Variants in TBC1D22A observed in about 807,000 individuals in gnomAD.
TBC1D22A encodes the protein putative GTPase activator.
TBC1D22A carries 38 observed loss-of-function variants against 60.2 expected under a neutral mutation model. The ratio of observed to expected loss-of-function variants is 0.63; its 90% confidence interval spans 0.49 to 0.83. TBC1D22A has a LOEUF of 0.83. TBC1D22A is among the 40% of genes least tolerant of loss of function. The pLI, the probability that TBC1D22A is intolerant of heterozygous loss-of-function variation, is 0.00. For missense variants in TBC1D22A, 628 were observed against 701.0 expected, an observed-to-expected ratio of 0.90 and a Z score of 1.18; for synonymous variants, 302 against 281.7, an observed-to-expected ratio of 1.07 and a Z score of -0.72.
intron 4 of TBC1D22A, among the ~76,000 whole-genome samples, chr22:46,876,503 G>A (rs967960667): frequency 2.6e-5 from 4 of 152,080 alleles, no homozygotes; most frequent in African/African-American, 9.7e-5. Context: ...CCATTCTCTC[G>A]GGTCTGCCTC....
chr22:46,961,720 C>T (rs2073513798), intron 8 of TBC1D22A, among the ~76,000 whole-genome samples: 2 of 152,286 alleles, frequency 1.3e-5, no homozygotes, highest in South Asian at 2.1e-4. Context: ...TTTCTTCACT[C>T]CAGGACGGGG....
At position 46,894,825 on chromosome 22, in the gene TBC1D22A, C is replaced by T. The variant is rs993120148; in HGVS notation, c.879C>T (p.Ile293=). The change falls in exon 7 of 13, where the codon ATC becomes ATT. Residue 293 remains isoleucine, a synonymous_variant. Transcript: ENST00000337137. ...DIPRMSPEAL[I]LQPKVTEIFE... Reference sequence around the variant, plus strand: ...CTCGCATGAGCCCTGAAGCGTTGATCCTGCAGCCCAAGGTGACGGAGGTAA... The same window carrying T: ...CTCGCATGAGCCCTGAAGCGTTGATTCTGCAGCCCAAGGTGACGGAGGTAA... 1 of 1,614,248 alleles carries T rather than the reference C, an allele frequency of 6.2e-7. No individual in the cohort carries two copies. The highest frequency in any genetic ancestry group is 1.3e-5 in the African/African-American group (1 of 75,064).
At chr22:46,769,678 C>T (rs1569354147) in intron 1 of TBC1D22A, among the ~76,000 whole-genome samples, 2 of 152,058 alleles carry the variant, frequency 1.3e-5, no homozygotes, top group Non-Finnish European at 2.9e-5. Flanking sequence ...GGAGCTGCTT[C>T]CAAGGCCATG....
chr22:47,097,098 G>T (rs1224128651), intron 11 of TBC1D22A, among the ~76,000 whole-genome samples: 1 of 152,106 alleles, frequency 6.6e-6, no homozygotes, highest in Non-Finnish European at 1.5e-5. Context: ...GTATGGGCGT[G>T]GCCCCGTGTC....
intron 7 of TBC1D22A, among the ~76,000 whole-genome samples, chr22:46,902,791 A>T (rs1429832055): frequency 6.7e-6 from 1 of 150,344 alleles, no homozygotes; most frequent in Non-Finnish European, 1.5e-5. Context: ...GCAGACAGAC[A>T]CCCGGTGGGC....
At chr22:47,165,009 C>A (rs1033293944) in intron 12 of TBC1D22A, among the ~76,000 whole-genome samples, 1 of 152,146 alleles carries the variant, frequency 6.6e-6, no homozygotes, top group African/African-American at 2.4e-5. Flanking sequence ...AGTGAGGGGC[C>A]AGTGAGACCG....
intron 12 of TBC1D22A, among the ~76,000 whole-genome samples, chr22:47,165,687 C>A (rs916682782): frequency 2.6e-5 from 4 of 152,142 alleles, no homozygotes; most frequent in African/African-American, 9.7e-5. Flanking sequence ...TCAGGTTCCT[C>A]ACCTAAAAGA....
chr22:46,973,511 C>T (rs2074163083), intron 8 of TBC1D22A, among the ~76,000 whole-genome samples: 1 of 152,180 alleles, frequency 6.6e-6, no homozygotes, highest in African/African-American at 2.4e-5. Context: ...TGAAATGTTT[C>T]TTTTCTTAAA....
At chr22:46,886,365 C>A (rs1450428518) in intron 5 of TBC1D22A, among the ~76,000 whole-genome samples, 2 of 152,148 alleles carry the variant, frequency 1.3e-5, no homozygotes, top group Admixed American at 1.3e-4. Context: ...CTGTTCTGTG[C>A]CCCTCTCCAG....
intron 11 of TBC1D22A, among the ~76,000 whole-genome samples, chr22:47,043,334 G>C (rs2062912058): frequency 6.6e-6 from 1 of 152,168 alleles, no homozygotes; most frequent in Non-Finnish European, 1.5e-5. Context: ...GGGAGCAGCA[G>C]GTGGGCCGGG....
intron 12 of TBC1D22A, among the ~76,000 whole-genome samples, chr22:47,147,362 A>G (rs115411927): frequency 0.012 from 1,807 of 152,280 alleles, 45 homozygotes; most frequent in African/African-American, 0.042. Context: ...TTACCTTTTA[A>G]TAACAGATGT....
At chr22:46,992,535 C>T (rs1012046884) in intron 9 of TBC1D22A, among the ~76,000 whole-genome samples, 4 of 152,230 alleles carry the variant, frequency 2.6e-5, no homozygotes, top group Admixed American at 1.3e-4. Context: ...AGGCACCGGC[C>T]GGGGACCGGC....
intron 12 of TBC1D22A, among the ~76,000 whole-genome samples, chr22:47,130,567 G>A (rs913171240): frequency 6.6e-6 from 1 of 152,206 alleles, no homozygotes; most frequent in African/African-American, 2.4e-5. Context: ...ACAGTGTCCA[G>A]CATTGCTTCT....
chr22:46,974,476 T>C, intron 9 of TBC1D22A, 77 bp downstream of exon 9: 1 of 1,227,044 alleles, frequency 8.1e-7, no homozygotes, highest in Non-Finnish European at 1.2e-6. Flanking sequence ...CTTAGGCTGC[T>C]CCTGAGTCTC....
chr22:47,129,171 T>C (rs1002826891), intron 12 of TBC1D22A, among the ~76,000 whole-genome samples: 3 of 152,174 alleles, frequency 2.0e-5, no homozygotes, highest in Non-Finnish European at 4.4e-5. Context: ...TCAGTGTGAA[T>C]AGTAATAAAA....
chr22:46,929,791 G>T (rs1229756278), intron 8 of TBC1D22A, among the ~76,000 whole-genome samples: 1 of 152,180 alleles, frequency 6.6e-6, no homozygotes, highest in Non-Finnish European at 1.5e-5. Context: ...AATTGGATTG[G>T]AATCCGTGGA....
intron 11 of TBC1D22A, among the ~76,000 whole-genome samples, chr22:47,099,709 T>C (rs2065332973): frequency 4.6e-5 from 7 of 151,584 alleles, no homozygotes; most frequent in Admixed American, 4.6e-4. Flanking sequence ...CCTCCCAAAG[T>C]GCTGAGATTA....
At chr22:47,010,050 G>A (rs1001721081) in intron 10 of TBC1D22A, among the ~76,000 whole-genome samples, 2 of 152,246 alleles carry the variant, frequency 1.3e-5, no homozygotes, top group African/African-American at 4.8e-5. Flanking sequence ...GGTTCCACCT[G>A]TGTGGGAAAC....
intron 11 of TBC1D22A, among the ~76,000 whole-genome samples, chr22:47,073,016 T>C (rs1216967983): frequency 6.6e-6 from 1 of 152,254 alleles, no homozygotes; most frequent in Non-Finnish European, 1.5e-5. Context: ...CTAAATTTAT[T>C]AAAGGCTTTC....
Sources: allele counts gnomAD v4.1 joint callset (sites outside exome capture counted in the v4.1 genomes callset), GRCh38; gene constraint gnomAD v4.1.1; transcripts MANE v1.5; gene names NCBI Gene and HGNC (gene_info 2026-07-23, HGNC 2026-07-21).